The following RC3H1 variants were observed in gnomAD, a reference collection of about 807,000 sequenced individuals.
RC3H1 encodes ring finger and CCCH-type domains 1, also known as roquin-1.
A neutral mutation model predicts 138.2 loss-of-function variants in RC3H1; 50 were observed. That is an observed-to-expected ratio of 0.36 (90% CI 0.29 to 0.46). The LOEUF (loss-of-function observed/expected upper bound fraction) is 0.46. Among genes scored for constraint, RC3H1 ranks in the 20% least tolerant of loss-of-function variants. RC3H1 has a pLI of 1.00. For synonymous variants in RC3H1, 462 were observed against 489.1 expected (o/e 0.94, Z 0.73); for missense variants, 1,031 against 1,388.1 (o/e 0.74, Z 4.09).
Position 173,952,158 on chromosome 1 carries a change from A to C in RC3H1, c.2371-20T>G. The C allele has an allele frequency of 6.7e-7, 1 of 1,495,106 alleles. No individual in the cohort carries two copies. Among genetic ancestry groups the C allele is most frequent in the Non-Finnish European group, 8.9e-7 (1 of 1,124,312 alleles). The allele number at this position is 1,495,106 out of a possible 1,614,324, so 92.6% of individuals were successfully genotyped here. On this transcript the variant is annotated intron_variant, in intron 13 of 19. Transcript: ENST00000367696. Reference sequence around the variant, plus strand: ...CAAAAACTACAGATGGAGAAAGAAAAAAAACAAAAAAAAAAAAAAGAGAAA... The same window carrying C: ...CAAAAACTACAGATGGAGAAAGAAACAAAACAAAAAAAAAAAAAAGAGAAA...
chr1:173,975,359 G>T (rs551932315), intron 7 of RC3H1, among the ~76,000 whole-genome samples: 2 of 152,050 alleles, frequency 1.3e-5, no homozygotes, highest in South Asian at 2.1e-4. Flanking sequence ...CTCCCAAAGT[G>T]CTGGGATTAC....
chr1:173,998,375 A>T lies in RC3H1; in HGVS notation c.-150-5240T>A, dbSNP rs78538708. 3.0e-3 allele frequency among the ~76,000 whole-genome samples: 461 copies of T among 152,316 alleles called. 5 individuals carry two copies. Among genetic ancestry groups the T allele is most frequent in the African/African-American group, 0.01 (432 of 41,558 alleles). On this transcript the variant is annotated intron_variant, in intron 1 of 19. Coordinates refer to ENST00000367696, the MANE Select transcript of RC3H1 (RefSeq NM_172071.4). ...GAAAGCAATGATTAGTTTCCCCACCAGTTTAAATAAGGACACCTCTCCTAC... is the reference window on the plus strand; with the variant it reads ...GAAAGCAATGATTAGTTTCCCCACCTGTTTAAATAAGGACACCTCTCCTAC...
chr1:173,973,693 A>G (rs896967135), intron 7 of RC3H1, among the ~76,000 whole-genome samples: 1 of 152,234 alleles, frequency 6.6e-6, no homozygotes, highest in Non-Finnish European at 1.5e-5. Flanking sequence ...GAAATATGTA[A>G]AATGAAACAA....
At chr1:173,944,908 TC>T (rs1235901736) in intron 17 of RC3H1, among the ~76,000 whole-genome samples, 6 of 152,060 alleles carry the variant, frequency 3.9e-5, no homozygotes, top group East Asian at 1.9e-4. Flanking sequence ...TAACTTTTTT[TC>T]CCCCCTAAAG....
At chr1:173,945,815 C>G (rs555583678) in intron 17 of RC3H1, among the ~76,000 whole-genome samples, 3 of 151,972 alleles carry the variant, frequency 2.0e-5, no homozygotes, top group Non-Finnish European at 4.4e-5. Context: ...TCACACGATT[C>G]TCCTGCCTCA....
At chr1:174,018,768 A>G (rs1661908713) in intron 1 of RC3H1, among the ~76,000 whole-genome samples, 1 of 152,208 alleles carries the variant, frequency 6.6e-6, no homozygotes, top group Non-Finnish European at 1.5e-5. Flanking sequence ...AAGCTAAACC[A>G]GGTCAGAATA....
chr1:173,993,762 G>T (rs1424770625), intron 1 of RC3H1, among the ~76,000 whole-genome samples: 1 of 151,260 alleles, frequency 6.6e-6, no homozygotes, highest in African/African-American at 2.4e-5. Context: ...GCTCACGCCT[G>T]TAATCCCAGC....
rs149491285 is a variant in RC3H1 at position 173,979,178 on chromosome 1, A to G, written c.970-558T>C. Among the ~76,000 whole-genome samples, 330 of 152,366 alleles carry G rather than the reference A, an allele frequency of 2.2e-3. 1 individual carries two copies. The highest frequency in any genetic ancestry group is 7.2e-3 in the African/African-American group (299 of 41,588). ...CATTTTCATGATTACAGAAAGTTCT[A>G]TTGCTCTATAAAATATCACACACAC... is the stretch of plus-strand genomic sequence containing the variant. On this transcript the variant is annotated intron_variant, in intron 6 of 19. Transcript: ENST00000367696.
At chr1:173,962,168 T>G in intron 11 of RC3H1, 73 bp from the exon 12 acceptor site, 1 of 1,344,122 alleles carries the variant, frequency 7.4e-7, no homozygotes, top group Non-Finnish European at 1.0e-6. Flanking sequence ...TTTTACCTTT[T>G]AAAATACTGA....
At chr1:173,940,876 C>G (rs984835176) in intron 19 of RC3H1, among the ~76,000 whole-genome samples, 6 of 150,694 alleles carry the variant, frequency 4.0e-5, no homozygotes, top group African/African-American at 1.5e-4. Flanking sequence ...GGCTGGAGTA[C>G]AGTGGCACGA....
At chr1:173,945,899 G>T (rs1659114396) in intron 17 of RC3H1, among the ~76,000 whole-genome samples, 1 of 151,946 alleles carries the variant, frequency 6.6e-6, no homozygotes, top group African/African-American at 2.4e-5. Context: ...AGTAGACACG[G>T]GGTTTCACTA....
At chr1:173,941,597 T>C (rs1658863908) in intron 18 of RC3H1, 3 of 423,810 alleles carry the variant, frequency 7.1e-6, no homozygotes, top group African/African-American at 2.1e-5. Context: ...AGACAGACAA[T>C]GCCTCAAGCT....
intron 11 of RC3H1, among the ~76,000 whole-genome samples, 191 bp from the exon 12 acceptor site, chr1:173,962,286 T>C (rs993758558): frequency 1.3e-5 from 2 of 152,188 alleles, no homozygotes; most frequent in African/African-American, 4.8e-5. Context: ...TAAAAGTCAT[T>C]GAAAAAACTA....
intron 7 of RC3H1, among the ~76,000 whole-genome samples, chr1:173,974,936 G>C (rs1660511331): frequency 1.3e-5 from 2 of 152,106 alleles, no homozygotes; most frequent in Admixed American, 1.3e-4. Context: ...TACAGAATTT[G>C]CTAATGGATC....
chr1:173,956,776 G>A (rs1383903703), intron 13 of RC3H1, among the ~76,000 whole-genome samples: 1 of 151,712 alleles, frequency 6.6e-6, no homozygotes, highest in Non-Finnish European at 1.5e-5. Context: ...CAGAAAGAAG[G>A]TGAAATATAT....
chr1:173,961,059 T>G lies in RC3H1; in HGVS notation c.2370+18A>C. On this transcript the variant is annotated intron_variant, in intron 13 of 19. Coordinates refer to ENST00000367696, the MANE Select transcript of RC3H1 (RefSeq NM_172071.4). The stretch of plus-strand genomic sequence containing the variant: ...ACAAAAAAACACGGATAAATGAGAC[T>G]AAAAATGATTTGCTTACTTCTTCCG... 6.2e-7 allele frequency: 1 copy of G among 1,610,332 alleles called. No homozygotes were observed. The highest frequency in any genetic ancestry group is 8.5e-7 in the Non-Finnish European group (1 of 1,177,986).
chr1:173,949,076 CA>C (rs909484921), intron 14 of RC3H1, among the ~76,000 whole-genome samples: 23 of 121,354 alleles, frequency 1.9e-4, no homozygotes, highest in East Asian at 4.8e-4. Context: ...AATTCTACTG[CA>C]AAAAAAAAAA....
At position 173,983,497 on chromosome 1, in the gene RC3H1, G is replaced by A. The variant is rs147812725; in HGVS notation, c.513C>T (p.Leu171=). ...LGERTVTELI[L]QHQNPQQLSS... ...AGAGTTGCTGAGGATTCTGGTGCTG[G>A]AGAATGAGCTCTGTAACTGTTCGTT... is the stretch of plus-strand genomic sequence containing the variant. The change falls in exon 4 of 20, where the codon CTC becomes CTT. Residue 171 remains leucine (L), a synonymous_variant. Transcript: ENST00000367696. The A allele has an allele frequency of 2.5e-6, 4 of 1,614,192 alleles. No homozygotes were observed. The highest frequency in any genetic ancestry group is 3.4e-6 in the Non-Finnish European group (4 of 1,180,042).
At chr1:173,973,810 A>C (rs1184308221) in intron 7 of RC3H1, among the ~76,000 whole-genome samples, 1 of 152,198 alleles carries the variant, frequency 6.6e-6, no homozygotes, top group Non-Finnish European at 1.5e-5. Flanking sequence ...AAAGGAAAAA[A>C]GGTGAAGAAA....
Sources: gnomAD v4.1 joint callset for allele counts (sites outside exome capture counted in the v4.1 genomes callset) on GRCh38, gnomAD v4.1.1 for gene constraint, MANE v1.5 for transcripts, NCBI Gene and HGNC (gene_info 2026-07-23, HGNC 2026-07-21) for gene names.